The following PKN2 variants were observed in gnomAD, a reference collection of about 807,000 sequenced individuals.
PKN2 encodes the protein serine/threonine-protein kinase N2.
A neutral mutation model predicts 119.1 loss-of-function variants in PKN2; 38 were observed. The observed-to-expected ratio is 0.32, with a 90% CI of 0.25 to 0.42. PKN2 has a LOEUF of 0.42. PKN2 is among the 10% of genes least tolerant of loss of function. The pLI, the probability that PKN2 is intolerant of heterozygous loss-of-function variation, is 1.00. For synonymous variants in PKN2, 390 were observed against 384.9 expected, an observed-to-expected ratio of 1.01 and a Z score of -0.15; for missense variants, 850 against 1,165.1, an observed-to-expected ratio of 0.73 and a Z score of 3.94.
chr1:88,716,738 C>A (rs1667473998), intron 1 of PKN2, among the ~76,000 whole-genome samples: 1 of 152,128 alleles, frequency 6.6e-6, no homozygotes, highest in African/African-American at 2.4e-5. Flanking sequence ...TGGGTCTTGA[C>A]TGTTTATCCA....
In PKN2 at chr1:88,805,726, C is replaced by T. The variant is rs554111949; in HGVS notation, c.1676+55C>T. The T allele has an allele frequency of 1.3e-5, 21 of 1,602,910 alleles. No individual in the cohort carries two copies. The East Asian group carries it at 1.4e-4, about 10-fold the overall frequency. ...ATACAAAGTTATTGGGACATTCTTA[C>T]GTACTGATTATAGCAGGTGTACTGA... On this transcript the variant is annotated intron_variant, in intron 11 of 21. Transcript: ENST00000370521.
intron 1 of PKN2, among the ~76,000 whole-genome samples, chr1:88,689,045 G>A (rs926527982): frequency 1.3e-5 from 2 of 152,096 alleles, no homozygotes; most frequent in African/African-American, 4.8e-5. Context: ...ATGAGAAGAC[G>A]GCATCTAATT....
chr1:88,762,872 G>A (rs1042814548), intron 3 of PKN2, among the ~76,000 whole-genome samples: 2 of 152,168 alleles, frequency 1.3e-5, no homozygotes, highest in African/African-American at 4.8e-5. Context: ...ACACAGTAAG[G>A]AACTGTGGAA....
Position 88,684,553 on chromosome 1 carries a change from C to A in PKN2, c.-28C>A. On this transcript the variant is annotated 5_prime_UTR_variant, in exon 1 of 22. Transcript: ENST00000370521. ...CTCCCTTCGCCAGAGGCGGCCGCGTCCAGGTGCGGAGTCCATACCGGAGCG... is the reference window on the plus strand; with the variant it reads ...CTCCCTTCGCCAGAGGCGGCCGCGTACAGGTGCGGAGTCCATACCGGAGCG... 6.5e-7 allele frequency: 1 copy of A among 1,540,476 alleles called. No individual in the cohort carries two copies. The highest frequency in any genetic ancestry group is 8.7e-7 in the Non-Finnish European group (1 of 1,143,314).
chr1:88,823,703 TA>T (rs61234342), intron 17 of PKN2, among the ~76,000 whole-genome samples: 1,538 of 65,760 alleles, frequency 0.023, 25 homozygotes, highest in African/African-American at 0.075. Flanking sequence ...GACTCTGTCT[TA>T]AAAAAAAAAA....
chr1:88,765,182 C>G (rs975015992), intron 3 of PKN2, among the ~76,000 whole-genome samples: 1 of 151,694 alleles, frequency 6.6e-6, no homozygotes, highest in African/African-American at 2.4e-5. Flanking sequence ...GCCCGCCTGG[C>G]CCTCCCAAAG....
intron 1 of PKN2, 108 bp downstream of exon 1, chr1:88,684,736 G>T: frequency 2.1e-6 from 2 of 953,178 alleles, no homozygotes; most frequent in East Asian, 3.3e-5. Context: ...CCCCTAGCCC[G>T]CTAAGTGCGG....
At chr1:88,780,586 A>G (rs192968626) in intron 6 of PKN2, among the ~76,000 whole-genome samples, 1 of 152,272 alleles carries the variant, frequency 6.6e-6, no homozygotes, top group Non-Finnish European at 1.5e-5. Flanking sequence ...TGGAATATAG[A>G]CCTGTAAAGA....
intron 2 of PKN2, among the ~76,000 whole-genome samples, chr1:88,759,277 C>A (rs903541253): frequency 1.3e-5 from 2 of 152,168 alleles, no homozygotes; most frequent in Non-Finnish European, 1.5e-5. Context: ...GCAGGAGAAT[C>A]GCTTGAACCT....
At chr1:88,718,998 C>T (rs1667565436) in intron 1 of PKN2, among the ~76,000 whole-genome samples, 1 of 152,222 alleles carries the variant, frequency 6.6e-6, no homozygotes. Context: ...TAAACCCCCA[C>T]CTACTATGCT....
intron 12 of PKN2, chr1:88,806,264 C>T: frequency 2.4e-6 from 1 of 420,882 alleles, no homozygotes; most frequent in East Asian, 5.0e-5. Flanking sequence ...AAGCGATTCT[C>T]CTGCAAGCCA....
At chr1:88,817,960 A>G (rs945081557) in intron 16 of PKN2, among the ~76,000 whole-genome samples, 1 of 152,214 alleles carries the variant, frequency 6.6e-6, no homozygotes, top group African/African-American at 2.4e-5. Context: ...ACATGATTAT[A>G]TATTTAGAAA....
At chr1:88,687,778 C>A (rs1331339594) in intron 1 of PKN2, among the ~76,000 whole-genome samples, 1 of 152,096 alleles carries the variant, frequency 6.6e-6, no homozygotes, top group Non-Finnish European at 1.5e-5. Flanking sequence ...GTAGTATCTA[C>A]CAAAGCTATA....
Position 88,717,626 on chromosome 1 carries a change from A to G in PKN2, c.49-23362A>G, listed in dbSNP as rs75059746. On this transcript the variant is annotated intron_variant, in intron 1 of 21. Coordinates refer to ENST00000370521, the MANE Select transcript of PKN2 (RefSeq NM_006256.4). ...GCATGCGTCACGTAGTTCTCATGCC[A>G]TGGTTTACAGCTCCATCAGGTCATT... Among the ~76,000 whole-genome samples the G allele has an allele frequency of 4.8e-3, 726 of 151,942 alleles. 19 individuals are homozygous for G. In the East Asian group the frequency reaches 0.072, roughly 15 times the overall value.
chr1:88,733,435 G>A (rs1668222631), intron 1 of PKN2, among the ~76,000 whole-genome samples: 1 of 152,134 alleles, frequency 6.6e-6, no homozygotes, highest in Non-Finnish European at 1.5e-5. Flanking sequence ...TTGATGATTA[G>A]TGATGTTGAA....
At chr1:88,827,524 T>C (rs1672545677) in intron 18 of PKN2, among the ~76,000 whole-genome samples, 1 of 151,902 alleles carries the variant, frequency 6.6e-6, no homozygotes. Context: ...TGGCATCATG[T>C]TGGTGCCCAA....
chr1:88,690,884 G>A (rs1445822924), intron 1 of PKN2, among the ~76,000 whole-genome samples: 2 of 152,002 alleles, frequency 1.3e-5, no homozygotes. Context: ...ACATAATATT[G>A]TTAGGATTTA....
intron 19 of PKN2, among the ~76,000 whole-genome samples, chr1:88,832,120 A>G (rs529845610): frequency 6.6e-6 from 1 of 152,048 alleles, no homozygotes; most frequent in East Asian, 1.9e-4. Flanking sequence ...TTTCAGTCTA[A>G]TTTTGTTGGC....
chr1:88,833,437 G>T lies in PKN2; in HGVS notation c.2944G>T (p.Asp982Tyr). 1 of 1,612,914 alleles carries T rather than the reference G, an allele frequency of 6.2e-7. No homozygotes were observed. The highest frequency in any genetic ancestry group is 8.5e-7 in the Non-Finnish European group (1 of 1,179,114). Residue 982 changes from aspartate to tyrosine, a missense_variant, in exon 22 of 22, where the codon GAT (aspartate) becomes TAT (tyrosine). Physicochemically the swap from Asp to Tyr is radical, Grantham distance 160 (BLOSUM62 -3). Coordinates refer to ENST00000370521, the MANE Select transcript of PKN2 (RefSeq NM_006256.4). ...GTTCAGAGATTTTGACTACATTGCTGATTGGTGTTAAGTTGCTAGACACTG... is the reference window on the plus strand; with the variant it reads ...GTTCAGAGATTTTGACTACATTGCTTATTGGTGTTAAGTTGCTAGACACTG... Reference protein sequence around the residue: ...EMFRDFDYIADWC With the variant: ...EMFRDFDYIAYWC
Sources: allele counts gnomAD v4.1 joint callset (sites outside exome capture counted in the v4.1 genomes callset), GRCh38; gene constraint gnomAD v4.1.1; transcripts MANE v1.5; gene names NCBI Gene and HGNC (gene_info 2026-07-23, HGNC 2026-07-21).